Variants in MTMR12 observed in about 807,000 individuals in gnomAD.
MTMR12 encodes myotubularin-related protein 12.
Under a neutral mutation model 96.7 loss-of-function variants are expected in MTMR12, and 33 were observed. The observed-to-expected ratio is 0.34, with a 90% CI of 0.26 to 0.46. The LOEUF (loss-of-function observed/expected upper bound fraction) is 0.46, where lower values mean the gene tolerates loss of function less well. Among genes scored for constraint, MTMR12 ranks in the 20% least tolerant of loss-of-function variants. The pLI is 1.00. For synonymous variants in MTMR12, 298 were observed against 327.2 expected (o/e 0.91, Z 0.96); for missense variants, 721 against 896.1 (o/e 0.80, Z 2.49).
intron 1 of MTMR12, among the ~76,000 whole-genome samples, chr5:32,299,623 G>A (rs1751058704): frequency 6.6e-6 from 1 of 152,148 alleles, no homozygotes; most frequent in South Asian, 2.1e-4. Flanking sequence ...GAGGAACCAG[G>A]GACAGATGAG....
chr5:32,229,637 T>C lies in MTMR12; in HGVS notation c.*141A>G, dbSNP rs1255210077. 4.5e-6 allele frequency: 3 copies of C among 667,448 alleles called. No individual in the cohort carries two copies. The Admixed American group carries it at 1.1e-4, about 25-fold the overall frequency. The allele number at this position is 667,448 out of a possible 1,614,324, so 41.3% of individuals were successfully genotyped here. On this transcript the variant is annotated 3_prime_UTR_variant, in exon 16 of 16. Coordinates refer to ENST00000382142, the MANE Select transcript of MTMR12 (RefSeq NM_001040446.3). ...ATCATGAAAAATAATGAGAGCCACC[T>C]CTTTTCCCGAAGGCCCAGGTTTATT...
At chr5:32,272,065 G>A (rs1390097197) in intron 3 of MTMR12, among the ~76,000 whole-genome samples, 160 bp from the exon 4 acceptor site, 1 of 152,110 alleles carries the variant, frequency 6.6e-6, no homozygotes, top group African/African-American at 2.4e-5. Context: ...GCCGACGCGG[G>A]CGGATCACGA....
chr5:32,259,286 C>T (rs1749266386), intron 7 of MTMR12, among the ~76,000 whole-genome samples: 1 of 152,220 alleles, frequency 6.6e-6, no homozygotes, highest in African/African-American at 2.4e-5. Flanking sequence ...CTGTGTGGTA[C>T]ACACTCCACA....
At chr5:32,249,369 T>A (rs1003149637) in intron 8 of MTMR12, among the ~76,000 whole-genome samples, 1 of 152,132 alleles carries the variant, frequency 6.6e-6, no homozygotes, top group African/African-American at 2.4e-5. Flanking sequence ...CTAAAGGCTG[T>A]GTTGTATATG....
chr5:32,298,168 G>A (rs1358883027), intron 1 of MTMR12, among the ~76,000 whole-genome samples: 1 of 152,216 alleles, frequency 6.6e-6, no homozygotes, highest in East Asian at 1.9e-4. Flanking sequence ...TGGGGGTGGT[G>A]CAGACGGGGA....
rs887500217 is a variant in MTMR12, at chr5:32,227,570, C to T, written c.*2208G>A. ...CTTTGTAGAGTGTAAAGCATCACACCGGGCATTTTTGGAATGAAAATTACA... is the reference window on the plus strand; with the variant it reads ...CTTTGTAGAGTGTAAAGCATCACACTGGGCATTTTTGGAATGAAAATTACA... On this transcript the variant is annotated 3_prime_UTR_variant, in exon 16 of 16. Transcript: ENST00000382142. 3.9e-5 allele frequency: 6 copies of T among 152,584 alleles called. No individual in the cohort carries two copies. The highest frequency in any genetic ancestry group is 4.1e-4 in the South Asian group (2 of 4,834). 9.5% of individuals were successfully genotyped at this position (152,584 alleles called of 1,614,324 possible).
intron 3 of MTMR12, among the ~76,000 whole-genome samples, chr5:32,273,750 GA>G (rs1749936730): frequency 6.6e-6 from 1 of 152,160 alleles, no homozygotes; most frequent in Non-Finnish European, 1.5e-5. Context: ...GGGTGGGGAT[GA>G]TGGGAAGTGG....
chr5:32,242,587 G>A (rs890497352), intron 11 of MTMR12, among the ~76,000 whole-genome samples: 6 of 151,916 alleles, frequency 3.9e-5, no homozygotes, highest in Admixed American at 1.3e-4. Flanking sequence ...CTTTGCGACT[G>A]TTGCCGCTAT....
At chr5:32,230,667 C>T (rs1373312478) in intron 15 of MTMR12, among the ~76,000 whole-genome samples, 1 of 152,198 alleles carries the variant, frequency 6.6e-6, no homozygotes, top group African/African-American at 2.4e-5. Context: ...GGACACAAAG[C>T]ACTTCTGAAA....
At position 32,239,142 on chromosome 5, in the gene MTMR12, A is replaced by G. The variant is rs61757721; in HGVS notation, c.1203T>C (p.Ile401=). 4.5e-3 allele frequency: 7,165 copies of G among 1,606,318 alleles called. 15 individuals are homozygous for G. The highest frequency in any genetic ancestry group is 5.4e-3 in the Non-Finnish European group (6,310 of 1,176,104). The part of the protein sequence containing the change: ...EENASDLCCL[I]SSLVQLMMDP... ...CCATCATCAGTTGCACCAGAGAGGAAATGAGACAGCAGAGGTCGGATGCAT... is the reference window on the plus strand; with the variant it reads ...CCATCATCAGTTGCACCAGAGAGGAGATGAGACAGCAGAGGTCGGATGCAT... Residue 401 remains isoleucine, a synonymous_variant, in exon 13 of 16, where the codon ATT becomes ATC. Transcript: ENST00000382142.
chr5:32,305,563 T>C (rs766594075), intron 1 of MTMR12, among the ~76,000 whole-genome samples: 2 of 152,190 alleles, frequency 1.3e-5, no homozygotes, highest in Non-Finnish European at 2.9e-5. Flanking sequence ...AATAATTTCA[T>C]CTTTTCTGCA....
At chr5:32,240,083 ATCAT>A (rs1490583893) in intron 12 of MTMR12, among the ~76,000 whole-genome samples, 1 of 152,202 alleles carries the variant, frequency 6.6e-6, no homozygotes, top group African/African-American at 2.4e-5. Context: ...TGGTGCTAGT[ATCAT>A]TGGTGTTAGA....
chr5:32,274,690 T>G (rs1430316287), intron 2 of MTMR12, among the ~76,000 whole-genome samples: 6 of 152,200 alleles, frequency 3.9e-5, no homozygotes. Flanking sequence ...ACCACCCTCG[T>G]TCTGGCTCCA....
intron 1 of MTMR12, among the ~76,000 whole-genome samples, chr5:32,282,317 A>T (rs1750329433): frequency 6.6e-6 from 1 of 152,130 alleles, no homozygotes; most frequent in Middle Eastern, 3.4e-3. Flanking sequence ...GCTACTCTGG[A>T]GGCTGAGGCA....
chr5:32,239,110 T>C lies in MTMR12; in HGVS notation c.1235A>G (p.His412Arg), dbSNP rs1231320160. The C allele has an allele frequency of 6.2e-7, 1 of 1,610,092 alleles. No homozygotes were observed. The highest frequency in any genetic ancestry group is 2.2e-5 in the East Asian group (1 of 44,844). The change falls in exon 13 of 16, where the codon CAC (histidine) becomes CGC (arginine). Residue 412 changes from histidine to arginine, a missense_variant. Coordinates refer to ENST00000382142, the MANE Select transcript of MTMR12 (RefSeq NM_001040446.3). ...SSLVQLMMDP[H>R]CRTRIGFQSL... ...CTGGAAACCAATTCTGGTTCTGCAGTGGGGGTCCATCATCAGTTGCACCAG... is the reference window on the plus strand; with the variant it reads ...CTGGAAACCAATTCTGGTTCTGCAGCGGGGGTCCATCATCAGTTGCACCAG...
chr5:32,298,476 C>T (rs1331210109), intron 1 of MTMR12, among the ~76,000 whole-genome samples: 3 of 152,066 alleles, frequency 2.0e-5, no homozygotes, highest in African/African-American at 7.2e-5. Context: ...GCCCTTGAGA[C>T]AGATGAAGAT....
chr5:32,237,756 T>G (rs1027406673), intron 13 of MTMR12, among the ~76,000 whole-genome samples: 5 of 151,744 alleles, frequency 3.3e-5, no homozygotes, highest in Non-Finnish European at 7.4e-5. Flanking sequence ...GTGACCCACC[T>G]GCCTTGGCCT....
chr5:32,276,247 C>G (rs116175586), intron 2 of MTMR12, among the ~76,000 whole-genome samples: 2,281 of 152,356 alleles, frequency 0.015, 68 homozygotes, highest in African/African-American at 0.051. Flanking sequence ...CCAGCATCCC[C>G]AGTACACGTG....
At chr5:32,238,666 T>G (rs1377100978) in intron 13 of MTMR12, among the ~76,000 whole-genome samples, 1 of 152,246 alleles carries the variant, frequency 6.6e-6, no homozygotes, top group African/African-American at 2.4e-5. Flanking sequence ...AGACTAATTT[T>G]GTAGAAAAGG....
Sources: gnomAD v4.1 joint callset for allele counts (sites outside exome capture counted in the v4.1 genomes callset) on GRCh38, gnomAD v4.1.1 for gene constraint, MANE v1.5 for transcripts, NCBI Gene and HGNC (gene_info 2026-07-23, HGNC 2026-07-21) for gene names.